Variants in RANBP17 observed in about 807,000 individuals in gnomAD.
RANBP17 encodes ran-binding protein 17.
RANBP17 carries 158 observed loss-of-function variants against 141.2 expected under a neutral mutation model. The ratio of observed to expected loss-of-function variants is 1.12; its 90% CI spans 0.98 to 1.28. The LOEUF is 1.28. Among genes scored for constraint, RANBP17 ranks in the 50% most tolerant of loss-of-function variants. The probability of loss-of-function intolerance (pLI) is 0.00; values close to 1 mark genes in which losing one functional copy is unlikely to be tolerated. For missense variants in RANBP17, 1,438 were observed against 1,290.7 expected, an observed-to-expected ratio of 1.11 and a Z score of -1.75; for synonymous variants, 430 against 450.0, an observed-to-expected ratio of 0.96 and a Z score of 0.56.
chr5:171,272,978 A>C (rs1284817204), intron 25 of RANBP17, among the ~76,000 whole-genome samples: 1 of 152,202 alleles, frequency 6.6e-6, no homozygotes, highest in Non-Finnish European at 1.5e-5. Flanking sequence ...TATATAATTT[A>C]GTAGGACACG....
chr5:171,114,986 C>T (rs556256798), intron 14 of RANBP17, among the ~76,000 whole-genome samples: 2 of 151,864 alleles, frequency 1.3e-5, no homozygotes, highest in Non-Finnish European at 2.9e-5. Flanking sequence ...TGGTGGTGTG[C>T]GCCTATAGGC....
intron 14 of RANBP17, among the ~76,000 whole-genome samples, chr5:171,125,296 C>CAAAAAAAAAA (rs3083436): frequency 7.0e-5 from 6 of 85,938 alleles, no homozygotes; most frequent in East Asian, 3.6e-4. Flanking sequence ...GACTATGTAT[C>CAAAAAAAAAA]AAAAAAAAAA....
chr5:171,170,219 G>T lies in RANBP17; in HGVS notation c.1784+16G>T. On this transcript the variant is annotated intron_variant, in intron 15 of 27. Coordinates refer to ENST00000523189, the MANE Select transcript of RANBP17 (RefSeq NM_022897.5). The stretch of plus-strand genomic sequence containing the variant: ...TGACAAAAATGTGAGTTCTTGTTTT[G>T]GTCTTTAATTTTTCTTTTGTTGTTG... The T allele has an allele frequency of 6.8e-7, 1 of 1,470,840 alleles. No individual in the cohort carries two copies. Among genetic ancestry groups the T allele is most frequent in the African/African-American group, 1.4e-5 (1 of 69,974 alleles). 91.1% of individuals were successfully genotyped at this position (1,470,840 alleles called of 1,614,324 possible).
At chr5:171,261,442 G>A (rs1044454414) in intron 24 of RANBP17, among the ~76,000 whole-genome samples, 3 of 152,164 alleles carry the variant, frequency 2.0e-5, no homozygotes, top group Non-Finnish European at 4.4e-5. Flanking sequence ...TCTCCTTTGT[G>A]TTGTGGTGAC....
chr5:171,108,481 C>G (rs1349588174), intron 14 of RANBP17, among the ~76,000 whole-genome samples: 2 of 152,236 alleles, frequency 1.3e-5, no homozygotes, highest in African/African-American at 4.8e-5. Flanking sequence ...GGTACAAACA[C>G]AGCTCACTGC....
chr5:170,917,495 T>TA (rs953535417), intron 9 of RANBP17, among the ~76,000 whole-genome samples: 2 of 152,194 alleles, frequency 1.3e-5, no homozygotes, highest in Admixed American at 6.5e-5. Context: ...TTTTAAAGGT[T>TA]AAATGATTTA....
chr5:170,964,633 T>A (rs979239451), intron 13 of RANBP17, among the ~76,000 whole-genome samples: 4 of 151,990 alleles, frequency 2.6e-5, no homozygotes, highest in Non-Finnish European at 4.4e-5. Context: ...CACCTATGAG[T>A]GAGAACATGC....
chr5:170,975,079 C>T (rs943325129), intron 14 of RANBP17, among the ~76,000 whole-genome samples: 2 of 152,200 alleles, frequency 1.3e-5, no homozygotes, highest in African/African-American at 4.8e-5. Flanking sequence ...CCTGAACATA[C>T]TTTCTCATTT....
At chr5:171,036,223 G>A (rs1201986692) in intron 14 of RANBP17, among the ~76,000 whole-genome samples, 1 of 152,092 alleles carries the variant, frequency 6.6e-6, no homozygotes, top group Non-Finnish European at 1.5e-5. Context: ...TCTTGTTGCT[G>A]TCTTTATGTC....
intron 12 of RANBP17, among the ~76,000 whole-genome samples, chr5:170,934,419 C>G (rs559539243): frequency 6.6e-6 from 1 of 152,062 alleles, no homozygotes; most frequent in South Asian, 2.1e-4. Context: ...CAGTTTCTTC[C>G]TAGTATTGGT....
intron 14 of RANBP17, among the ~76,000 whole-genome samples, chr5:171,061,743 G>A (rs983733241): frequency 6.6e-6 from 1 of 152,102 alleles, no homozygotes; most frequent in Non-Finnish European, 1.5e-5. Context: ...TCATTGATCT[G>A]TCTAATGTTG....
intron 16 of RANBP17, among the ~76,000 whole-genome samples, chr5:171,175,917 A>T (rs927940318): frequency 1.3e-5 from 2 of 152,156 alleles, no homozygotes; most frequent in African/African-American, 4.8e-5. Context: ...CTCAAAAAGA[A>T]GAATGTGGAG....
chr5:171,102,739 A>G (rs1184487366), intron 14 of RANBP17, among the ~76,000 whole-genome samples: 1 of 147,962 alleles, frequency 6.8e-6, no homozygotes, highest in Non-Finnish European at 1.5e-5. Context: ...GGATTTGTCT[A>G]CCTTTGGTCT....
At chr5:171,128,803 A>T (rs1488113767) in intron 14 of RANBP17, among the ~76,000 whole-genome samples, 1 of 136,454 alleles carries the variant, frequency 7.3e-6, no homozygotes, top group Non-Finnish European at 1.6e-5. Context: ...TTATTAATAA[A>T]AAAATAAAAT....
At position 171,265,803 on chromosome 5, in the gene RANBP17, A is replaced by T. The variant is rs1766633566; in HGVS notation, c.2899A>T (p.Arg967Ter). 1 of 1,614,074 alleles carries T rather than the reference A, an allele frequency of 6.2e-7. No individual in the cohort carries two copies. The highest frequency in any genetic ancestry group is 2.2e-5 in the East Asian group (1 of 44,876). The change falls in exon 25 of 28, where the codon AGA becomes TGA. Residue 967 changes from arginine to a stop codon, truncating the protein, a stop_gained. Transcript: ENST00000523189. LOFTEE classifies it high-confidence loss of function. ...CAGAGAGGCTACCCAGGCTGGTCAG[A>T]GACTATTACATTTTATGCAGCAAAA... ...RCREATQAGQ[R>*]LLHFMQQNPD...
At chr5:171,248,420 G>A (rs942277535) in intron 24 of RANBP17, among the ~76,000 whole-genome samples, 4 of 151,818 alleles carry the variant, frequency 2.6e-5, no homozygotes, top group Non-Finnish European at 5.9e-5. Context: ...AGAAAGAGAA[G>A]GAAGCAAGCA....
At chr5:171,053,696 C>A (rs812406) in intron 14 of RANBP17, among the ~76,000 whole-genome samples, 91,984 of 150,254 alleles carry the variant, frequency 0.61, 29,499 homozygotes, top group South Asian at 0.88. Flanking sequence ...CCCCACTCTG[C>A]AATTTGTAAG....
At chr5:171,162,005 T>G (rs1204178390) in intron 14 of RANBP17, among the ~76,000 whole-genome samples, 1 of 152,226 alleles carries the variant, frequency 6.6e-6, no homozygotes, top group Admixed American at 6.5e-5. Flanking sequence ...TCTTATAAAC[T>G]TGCTATTGCA....
intron 25 of RANBP17, among the ~76,000 whole-genome samples, chr5:171,269,706 A>G (rs1032160224): frequency 3.9e-5 from 6 of 152,190 alleles, no homozygotes; most frequent in African/African-American, 1.2e-4. Context: ...TTGGTTGCCC[A>G]TTAAATGCTG....
Sources: gnomAD v4.1 joint callset for allele counts (sites outside exome capture counted in the v4.1 genomes callset) on GRCh38, gnomAD v4.1.1 for gene constraint, MANE v1.5 for transcripts, NCBI Gene and HGNC (gene_info 2026-07-23, HGNC 2026-07-21) for gene names.